The following EPB41L4A variants were observed in gnomAD, a reference collection of about 807,000 sequenced individuals.
EPB41L4A encodes the protein band 4.1-like protein 4A.
Under a neutral mutation model 108.6 loss-of-function variants are expected in EPB41L4A, and 100 were observed. The ratio of observed to expected loss-of-function variants is 0.92; its 90% CI spans 0.78 to 1.09. The LOEUF is 1.09. Among genes scored for constraint, EPB41L4A ranks in the 50% least tolerant of loss-of-function variants. EPB41L4A has a pLI of 0.00. For synonymous variants in EPB41L4A, 319 were observed against 289.0 expected (o/e 1.10, Z -1.05); for missense variants, 1,030 against 842.7 (o/e 1.22, Z -2.75).
At chr5:112,236,598 A>G (rs1161014638) in intron 11 of EPB41L4A, among the ~76,000 whole-genome samples, 1 of 152,212 alleles carries the variant, frequency 6.6e-6, no homozygotes, top group Non-Finnish European at 1.5e-5. Context: ...GTCCCTGCAC[A>G]TGTTTGGTGG....
intron 1 of EPB41L4A, among the ~76,000 whole-genome samples, chr5:112,369,043 A>G (rs1026762242): frequency 6.6e-6 from 1 of 152,138 alleles, no homozygotes; most frequent in African/African-American, 2.4e-5. Flanking sequence ...TCTTCTCTCC[A>G]GCTATAGATA....
intron 2 of EPB41L4A, among the ~76,000 whole-genome samples, chr5:112,289,305 C>T (rs906272912): frequency 6.6e-6 from 1 of 152,080 alleles, no homozygotes; most frequent in African/African-American, 2.4e-5. Flanking sequence ...ATAATATTTG[C>T]ATTTTAATCT....
intron 18 of EPB41L4A, among the ~76,000 whole-genome samples, chr5:112,173,328 T>C (rs1760687793): frequency 6.6e-6 from 1 of 152,056 alleles, no homozygotes; most frequent in Admixed American, 6.6e-5. Context: ...AGGAAAGTTA[T>C]GAGTGGCCAG....
At chr5:112,256,892 T>C (rs907051772) in intron 9 of EPB41L4A, 2 of 152,198 alleles carry the variant, frequency 1.3e-5, no homozygotes, top group African/African-American at 4.8e-5. Flanking sequence ...ACAGTGAACA[T>C]GTACGATCTT....
chr5:112,269,596 C>T (rs2150472728), intron 4 of EPB41L4A, among the ~76,000 whole-genome samples: 1 of 152,132 alleles, frequency 6.6e-6, no homozygotes, highest in East Asian at 1.9e-4. Context: ...TTAGGATGAA[C>T]CTATGTGCCA....
chr5:112,390,229 A>C (rs1016019677), intron 1 of EPB41L4A, among the ~76,000 whole-genome samples: 16 of 152,310 alleles, frequency 1.1e-4, no homozygotes, highest in Middle Eastern at 3.4e-3. Flanking sequence ...GGGTGAGCCA[A>C]AGCAGGGCGG....
At chr5:112,200,007 T>TA (rs1473972979) in intron 15 of EPB41L4A, among the ~76,000 whole-genome samples, 2 of 152,194 alleles carry the variant, frequency 1.3e-5, no homozygotes, top group East Asian at 1.9e-4. Context: ...GTACTTCCTG[T>TA]AAAAAACCAC....
chr5:112,218,273 G>A (rs190918132), intron 12 of EPB41L4A, among the ~76,000 whole-genome samples: 98 of 152,310 alleles, frequency 6.4e-4, no homozygotes, highest in Non-Finnish European at 6.6e-4. Context: ...ACAGGAGAGG[G>A]TGCACATTGT....
chr5:112,400,722 G>A (rs1049028189), intron 1 of EPB41L4A, among the ~76,000 whole-genome samples: 23 of 152,100 alleles, frequency 1.5e-4, no homozygotes, highest in Non-Finnish European at 2.8e-4. Flanking sequence ...TTTGTGTAAG[G>A]ACAAACATCC....
rs193290049 is a variant in EPB41L4A at position 112,229,842 on chromosome 5, G to C, written c.1087+4792C>G. Among the ~76,000 whole-genome samples the C allele has an allele frequency of 1.2e-3, 190 of 152,024 alleles. 1 individual carries two copies. The highest frequency in any genetic ancestry group is 4.3e-3 in the African/African-American group (180 of 41,460). On this transcript the variant is annotated intron_variant, in intron 12 of 22. Coordinates refer to ENST00000261486, the MANE Select transcript of EPB41L4A (RefSeq NM_022140.5). Reference sequence around the variant, plus strand: ...TCTCTACTGAAAATACAAAAAGTTAGCCAGGCATGGTGGTGGTCGCCTGTA... The same window carrying C: ...TCTCTACTGAAAATACAAAAAGTTACCCAGGCATGGTGGTGGTCGCCTGTA...
At chr5:112,206,313 G>A in intron 13 of EPB41L4A, among the ~76,000 whole-genome samples, 1 of 151,710 alleles carries the variant, frequency 6.6e-6, no homozygotes, top group Non-Finnish European at 1.5e-5. Flanking sequence ...GGTCATAGAG[G>A]AGTACTTTGT....
At chr5:112,404,341 C>T (rs1165313232) in intron 1 of EPB41L4A, among the ~76,000 whole-genome samples, 1 of 152,222 alleles carries the variant, frequency 6.6e-6, no homozygotes, top group Non-Finnish European at 1.5e-5. Flanking sequence ...TCTCATTTCA[C>T]TGATGACAAA....
At chr5:112,356,643 C>T (rs1758377073) in intron 1 of EPB41L4A, among the ~76,000 whole-genome samples, 1 of 152,198 alleles carries the variant, frequency 6.6e-6, no homozygotes. Context: ...CTGCCATAAT[C>T]TAGTCTCCAG....
chr5:112,172,017 A>AC (rs1400071600), intron 18 of EPB41L4A, among the ~76,000 whole-genome samples: 1 of 152,126 alleles, frequency 6.6e-6, no homozygotes, highest in African/African-American at 2.4e-5. Flanking sequence ...GGCTTCCTGA[A>AC]CCTACAGAAT....
intron 6 of EPB41L4A, 126 bp from the exon 7 acceptor site, chr5:112,262,707 C>T (rs886287660): frequency 2.6e-6 from 2 of 765,738 alleles, no homozygotes; most frequent in African/African-American, 3.5e-5. Flanking sequence ...AAACTTAAGT[C>T]CTTGTATTTC....
intron 1 of EPB41L4A, among the ~76,000 whole-genome samples, chr5:112,415,382 ATTAGT>A (rs1762653925): frequency 6.6e-6 from 1 of 152,194 alleles, no homozygotes. Context: ...TATTGGTTTC[ATTAGT>A]TTAGTCAATA....
At chr5:112,170,442 G>T in intron 19 of EPB41L4A, 73 bp from the exon 20 acceptor site, 2 of 993,042 alleles carry the variant, frequency 2.0e-6, no homozygotes, top group Non-Finnish European at 1.6e-6. Flanking sequence ...CAATCGGCAG[G>T]TGAGTTTTCC....
intron 1 of EPB41L4A, among the ~76,000 whole-genome samples, chr5:112,343,142 G>A (rs969574351): frequency 4.6e-5 from 7 of 152,060 alleles, no homozygotes; most frequent in African/African-American, 1.7e-4. Flanking sequence ...TTACATTAAG[G>A]GTTCTCAAGT....
At chr5:112,350,611 T>C (rs748054298) in intron 1 of EPB41L4A, among the ~76,000 whole-genome samples, 2 of 152,174 alleles carry the variant, frequency 1.3e-5, no homozygotes, top group African/African-American at 2.4e-5. Flanking sequence ...CATTAACCTA[T>C]CTCTCTTCAT....
Sources: gnomAD v4.1 joint callset for allele counts (sites outside exome capture counted in the v4.1 genomes callset) on GRCh38, gnomAD v4.1.1 for gene constraint, MANE v1.5 for transcripts, NCBI Gene and HGNC (gene_info 2026-07-23, HGNC 2026-07-21) for gene names.